Variants in PDCD1 observed in about 807,000 individuals in gnomAD.
The protein encoded by PDCD1 is programmed cell death protein 1.
A neutral mutation model predicts 23.6 loss-of-function variants in PDCD1; 10 were observed. The observed-to-expected ratio is 0.42, with a 90% CI of 0.26 to 0.72. The LOEUF is 0.72. PDCD1 is among the 30% of genes least tolerant of loss of function. PDCD1 has a pLI of 0.24. For synonymous variants in PDCD1, 168 were observed against 169.3 expected (o/e 0.99, Z 0.06); for missense variants, 313 against 397.8 (o/e 0.79, Z 1.81).
rs767065658 is a variant in PDCD1, at chr2:241,851,100, C to A, written c.825G>T (p.Gln275His). 1 of 1,613,032 alleles carries A rather than the reference C, an allele frequency of 6.2e-7. No homozygotes were observed. Among genetic ancestry groups the A allele is most frequent in the South Asian group, 1.1e-5 (1 of 91,024 alleles). Residue 275 changes from glutamine to histidine, a missense_variant, in exon 5 of 5, where the codon CAG becomes CAT. By Grantham distance (24) the Gln-to-His change is conservative. Coordinates refer to ENST00000334409, the MANE Select transcript of PDCD1 (RefSeq NM_005018.3). ...AGTGTCCATCCTCAGGCCTCAGTGG[C>A]TGGGCACTCCGAGGGCCGTCAGCTG... Reference protein sequence around the residue: ...RGSADGPRSAQPLRPEDGHCS... With the variant: ...RGSADGPRSAHPLRPEDGHCS...
At chr2:241,852,443 T>G in intron 2 of PDCD1, 90 bp from the exon 3 acceptor site, 1 of 1,138,804 alleles carries the variant, frequency 8.8e-7, no homozygotes, top group East Asian at 2.5e-5. Context: ...GCTGGGGTGC[T>G]TCCAGAGCTA....
chr2:241,858,680 AC>A (rs1701075746), intron 1 of PDCD1, 82 bp downstream of exon 1: 7 of 1,246,366 alleles, frequency 5.6e-6, no homozygotes, highest in Admixed American at 2.0e-5. Flanking sequence ...CCGCCTCAGC[AC>A]CCCCCGACCT....
intron 1 of PDCD1, among the ~76,000 whole-genome samples, chr2:241,857,770 G>A (rs1026216270): frequency 1.3e-5 from 2 of 152,200 alleles, no homozygotes; most frequent in Admixed American, 1.3e-4. Context: ...CAGGACCCCC[G>A]GGGCAGGAGC....
rs1208243444 is a variant in PDCD1, at chr2:241,855,117, G to GC, written c.77-2138dup. 3.3e-3 allele frequency among the ~76,000 whole-genome samples: 501 copies of GC among 150,540 alleles called. 2 individuals carry two copies. The highest frequency in any genetic ancestry group is 0.017 in the East Asian group (85 of 5,080). On this transcript the variant is annotated intron_variant, in intron 1 of 4. Transcript: ENST00000334409. The stretch of plus-strand genomic sequence containing the variant: ...AGCCAGGACCCTGGGCTCCTGTTCC[G>GC]CCCCCCCCAACCCCCCTATTTTGGA...
chr2:241,854,790 C>T (rs1700987180), intron 1 of PDCD1, among the ~76,000 whole-genome samples: 1 of 152,202 alleles, frequency 6.6e-6, no homozygotes, highest in South Asian at 2.1e-4. Context: ...TCGGGACAGA[C>T]AGGCAGGTGA....
Position 241,850,163 on chromosome 2 carries a change from T to C in PDCD1, c.*895A>G, listed in dbSNP as rs1384293105. The stretch of plus-strand genomic sequence containing the variant: ...TGGGTTCCAAGGAGAGCTCCCAGGG[T>C]GGGCACATGGGGGGCCCTAGGTGCC... On this transcript the variant is annotated 3_prime_UTR_variant, in exon 5 of 5. Coordinates refer to ENST00000334409, the MANE Select transcript of PDCD1 (RefSeq NM_005018.3). 1 of 232,360 alleles carries C rather than the reference T, an allele frequency of 4.3e-6. No homozygotes were observed. Among genetic ancestry groups the C allele is most frequent in the African/African-American group, 2.2e-5 (1 of 45,236 alleles). 14.4% of individuals were successfully genotyped at this position (232,360 alleles called of 1,614,324 possible).
chr2:241,853,197 C>T (rs1025739547), intron 1 of PDCD1, among the ~76,000 whole-genome samples: 9 of 152,272 alleles, frequency 5.9e-5, no homozygotes, highest in African/African-American at 2.2e-4. Flanking sequence ...TTCTGCACAG[C>T]ACCTGGCTCT....
In PDCD1 at chr2:241,851,087, C is replaced by T. The variant is rs1700888451; in HGVS notation, c.838G>A (p.Glu280Lys). The change falls in exon 5 of 5, where the codon GAG becomes AAG. Residue 280 changes from glutamate to lysine, a missense_variant. This residue lies in a region of PDCD1 where 158 missense variants were observed against 177.5 expected (regional missense o/e 0.89). Coordinates refer to ENST00000334409, the MANE Select transcript of PDCD1 (RefSeq NM_005018.3). ...AGGGGCCAAGAGCAGTGTCCATCCTCAGGCCTCAGTGGCTGGGCACTCCGA... is the reference window on the plus strand; with the variant it reads ...AGGGGCCAAGAGCAGTGTCCATCCTTAGGCCTCAGTGGCTGGGCACTCCGA... ...GPRSAQPLRPEDGHCSWPL is the reference protein window; with the variant it reads ...GPRSAQPLRPKDGHCSWPL 8.7e-6 allele frequency: 14 copies of T among 1,612,864 alleles called. No homozygotes were observed. Among genetic ancestry groups the T allele is most frequent in the Non-Finnish European group, 1.1e-5 (13 of 1,179,788 alleles).
chr2:241,851,108 T>G lies in PDCD1; in HGVS notation c.817A>C (p.Ser273Arg). ...ARRGSADGPR[S>R]AQPLRPEDGH... is the part of the protein sequence containing the mutation. ...TCCTCAGGCCTCAGTGGCTGGGCACTCCGAGGGCCGTCAGCTGAGCCCCTG... is the reference window on the plus strand; with the variant it reads ...TCCTCAGGCCTCAGTGGCTGGGCACGCCGAGGGCCGTCAGCTGAGCCCCTG... Residue 273 changes from serine (S) to arginine (R), a missense_variant, in exon 5 of 5, where the codon AGT (serine) becomes CGT (arginine). Ser to Arg is a moderately radical substitution (Grantham distance 110). This residue lies in a region of PDCD1 where 158 missense variants were observed against 177.5 expected (regional missense o/e 0.89). Transcript: ENST00000334409. The G allele has an allele frequency of 6.2e-7, 1 of 1,613,022 alleles. No homozygotes were observed. Among genetic ancestry groups the G allele is most frequent in the Middle Eastern group, 1.7e-4 (1 of 6,054 alleles).
Position 241,858,803 on chromosome 2 carries a change from C to T in PDCD1, c.36G>A (p.Trp12Ter). 6.3e-7 allele frequency: 1 copy of T among 1,591,608 alleles called. No homozygotes were observed. The highest frequency in any genetic ancestry group is 8.5e-7 in the Non-Finnish European group (1 of 1,169,594). Residue 12 changes from tryptophan (W) to a stop codon, truncating the protein, a stop_gained, in exon 1 of 5, where the codon TGG becomes TGA. Coordinates refer to ENST00000334409, the MANE Select transcript of PDCD1 (RefSeq NM_005018.3). LOFTEE classifies it high-confidence loss of function. ...GCCGCCAGCCCAGTTGTAGCACCGC[C>T]CAGACGACTGGCCAGGGCGCCTGTG... ...QIPQAPWPVV[W>*]AVLQLGWRPG...
In PDCD1 at chr2:241,851,031, C is replaced by T. The variant is rs376045669; in HGVS notation, c.*27G>A. The T allele has an allele frequency of 5.6e-6, 9 of 1,598,266 alleles. No individual in the cohort carries two copies. Among genetic ancestry groups the T allele is most frequent in the Admixed American group, 1.7e-5 (1 of 59,264 alleles). Reference sequence around the variant, plus strand: ...ACCCGGGCTCATGGTGGAGGGTCTGCAGAACACTGGTGGCCAAGGAAGCCG... The same window carrying T: ...ACCCGGGCTCATGGTGGAGGGTCTGTAGAACACTGGTGGCCAAGGAAGCCG... On this transcript the variant is annotated 3_prime_UTR_variant, in exon 5 of 5. Coordinates refer to ENST00000334409, the MANE Select transcript of PDCD1 (RefSeq NM_005018.3).
intron 1 of PDCD1, 68 bp from the exon 2 acceptor site, chr2:241,853,048 C>G (rs1481909200): frequency 7.3e-6 from 11 of 1,499,706 alleles, no homozygotes; most frequent in African/African-American, 1.4e-5. Context: ...CACCTGCTCA[C>G]ATCCCTCGGG....
At chr2:241,855,123 C>T (rs965047651) in intron 1 of PDCD1, among the ~76,000 whole-genome samples, 6 of 152,162 alleles carry the variant, frequency 3.9e-5, no homozygotes, top group South Asian at 2.1e-4. Context: ...TTCCGCCCCC[C>T]CCAACCCCCC....
rs577907685 is a variant in PDCD1, at chr2:241,853,592, C to T, written c.77-612G>A. Reference sequence around the variant, plus strand: ...GCTCACAGCAAAGATGCTTCAGAGACGAGATGGGCCATTGACTCGGATGTG... The same window carrying T: ...GCTCACAGCAAAGATGCTTCAGAGATGAGATGGGCCATTGACTCGGATGTG... On this transcript the variant is annotated intron_variant, in intron 1 of 4. Transcript: ENST00000334409. Among the ~76,000 whole-genome samples the T allele has an allele frequency of 1.2e-3, 184 of 152,380 alleles. 4 individuals are homozygous for T. The highest frequency in any genetic ancestry group is 2.0e-3 in the Admixed American group (30 of 15,312).
At chr2:241,856,265 C>G (rs547864400) in intron 1 of PDCD1, among the ~76,000 whole-genome samples, 5 of 151,852 alleles carry the variant, frequency 3.3e-5, no homozygotes, top group Admixed American at 3.3e-4. Context: ...AGCAGAGCCC[C>G]TCAGAGCACA....
intron 1 of PDCD1, among the ~76,000 whole-genome samples, chr2:241,855,613 G>A (rs1226201128): frequency 6.6e-6 from 1 of 152,118 alleles, no homozygotes; most frequent in Non-Finnish European, 1.5e-5. Flanking sequence ...GTGAGGTGGC[G>A]GTGGGGGTGC....
chr2:241,856,338 C>T (rs1430993357), intron 1 of PDCD1, among the ~76,000 whole-genome samples: 1 of 152,238 alleles, frequency 6.6e-6, no homozygotes, highest in African/African-American at 2.4e-5. Context: ...AGAGGGCAGG[C>T]TCTGTTTAAA....
chr2:241,852,491 G>A lies in PDCD1; in HGVS notation c.436+130C>T. ...GCCGGTCACCATTCCCCAGGTGCAG[G>A]ACAGAGCCCTGGACTGGAGCTGGGG... On this transcript the variant is annotated intron_variant, in intron 2 of 4. Coordinates refer to ENST00000334409, the MANE Select transcript of PDCD1 (RefSeq NM_005018.3). The A allele has an allele frequency of 8.0e-6, 10 of 1,256,182 alleles. 1 individual carries two copies. In the South Asian group the frequency reaches 8.8e-5, roughly 11 times the overall value. The allele number at this position is 1,256,182 out of a possible 1,614,324, so 77.8% of individuals were successfully genotyped here.
intron 4 of PDCD1, among the ~76,000 whole-genome samples, chr2:241,851,594 C>T (rs1447088600): frequency 2.0e-5 from 3 of 151,860 alleles, no homozygotes; most frequent in Non-Finnish European, 2.9e-5. Flanking sequence ...GCCCACCCCA[C>T]GCCCTCGCAG....
Sources: allele counts gnomAD v4.1 joint callset (sites outside exome capture counted in the v4.1 genomes callset), GRCh38; gene constraint gnomAD v4.1.1; regional missense constraint gnomAD v4.1.1; transcripts MANE v1.5; gene names NCBI Gene and HGNC (gene_info 2026-07-23, HGNC 2026-07-21).